STAG1: variants seen among roughly 807,000 people sequenced by gnomAD.
The protein encoded by STAG1 is STAG1 cohesin complex component.
Under a neutral mutation model 170.9 loss-of-function variants are expected in STAG1, and 26 were observed. The observed-to-expected ratio is 0.15, with a 90% CI of 0.11 to 0.21. The LOEUF is 0.21. Among genes scored for constraint, STAG1 ranks in the 10% least tolerant of loss-of-function variants. The pLI, the probability that STAG1 is intolerant of heterozygous loss-of-function variation, is 1.00. For missense variants in STAG1, 964 were observed against 1,509.5 expected, an observed-to-expected ratio of 0.64 and a Z score of 5.99; for synonymous variants, 514 against 497.7, an observed-to-expected ratio of 1.03 and a Z score of -0.44.
intron 15 of STAG1, among the ~76,000 whole-genome samples, chr3:136,437,323 AG>A (rs911090337): frequency 6.6e-6 from 1 of 152,234 alleles, no homozygotes; most frequent in African/African-American, 2.4e-5. Flanking sequence ...TAAACTCAAA[AG>A]CAGTTGAAAT....
At chr3:136,591,419 G>C (rs1938172392) in intron 4 of STAG1, 1 of 177,440 alleles carries the variant, frequency 5.6e-6, no homozygotes, top group African/African-American at 2.4e-5. Context: ...AATATTCCCT[G>C]GGCTTGGCGT....
At chr3:136,600,872 TTTGTTTTGTTTTG>T (rs1269638187) in intron 4 of STAG1, among the ~76,000 whole-genome samples, 149 of 1,234 alleles carry the variant, frequency 0.12, no homozygotes, top group African/African-American at 0.34. Context: ...GTTTGTTTGT[TTTGTTTTGTTTTG>T]TTTTGTTTTG....
At position 136,367,195 on chromosome 3, in the gene STAG1, C is replaced by T. The variant is rs867025637; in HGVS notation, c.2546-113G>A. ...TAATATTATAACTTCACAAATAGTA[C>T]AATTCAGTTTTAGATGGGACAAAAA... On this transcript the variant is annotated intron_variant, in intron 24 of 33. Transcript: ENST00000383202. 3.4e-6 allele frequency: 3 copies of T among 874,090 alleles called. 1 individual carries two copies. Among genetic ancestry groups the T allele is most frequent in the Non-Finnish European group, 5.2e-6 (3 of 575,790 alleles). The allele number at this position is 874,090 out of a possible 1,614,324, so 54.1% of individuals were successfully genotyped here. A position where few individuals can be genotyped will look rare whatever the true frequency, so the allele number is the denominator to read the frequency against.
chr3:136,534,414 T>C (rs1935523864), intron 6 of STAG1, among the ~76,000 whole-genome samples: 1 of 151,272 alleles, frequency 6.6e-6, no homozygotes, highest in Non-Finnish European at 1.5e-5. Flanking sequence ...GCAAACAAGA[T>C]ACATTAAACT....
chr3:136,464,061 TA>T (rs1331939944), intron 13 of STAG1, among the ~76,000 whole-genome samples: 4 of 151,438 alleles, frequency 2.6e-5, no homozygotes, highest in East Asian at 1.9e-4. Context: ...AAATAAGGTT[TA>T]AAAAAAATTA....
Position 136,521,420 on chromosome 3 carries a change from A to G in STAG1, c.472-3T>C. ...GTAAGAGGATAATCACCACTGTCCT[A>G]AAAAACAGAAAAAGAACATATTAAG... On this transcript the variant is annotated splice_polypyrimidine_tract_variant and splice_region_variant and intron_variant, in intron 6 of 33. Transcript: ENST00000383202. 6.2e-7 allele frequency: 1 copy of G among 1,612,078 alleles called. No individual in the cohort carries two copies.
intron 1 of STAG1, among the ~76,000 whole-genome samples, chr3:136,745,963 G>A (rs1223848483): frequency 6.6e-6 from 1 of 152,152 alleles, no homozygotes; most frequent in African/African-American, 2.4e-5. Context: ...TTTAGAAAAG[G>A]AGGAGAAAAA....
At chr3:136,419,197 C>G (rs1020340080) in intron 20 of STAG1, among the ~76,000 whole-genome samples, 1 of 151,728 alleles carries the variant, frequency 6.6e-6, no homozygotes, top group Non-Finnish European at 1.5e-5. Context: ...CTTCTGTTTT[C>G]AAATGACAGT....
chr3:136,465,706 T>C (rs1297443583), intron 12 of STAG1, among the ~76,000 whole-genome samples: 4 of 150,148 alleles, frequency 2.7e-5, no homozygotes, highest in African/African-American at 9.8e-5. Context: ...AGAGCTCAAA[T>C]AGGGTCCACA....
intron 1 of STAG1, among the ~76,000 whole-genome samples, chr3:136,728,966 A>G (rs1445975907): frequency 2.0e-5 from 3 of 152,158 alleles, no homozygotes; most frequent in African/African-American, 7.2e-5. Context: ...AAAGAGAGAC[A>G]GTCTCTTCTG....
intron 22 of STAG1, among the ~76,000 whole-genome samples, chr3:136,388,403 C>T (rs1258102929): frequency 2.0e-5 from 3 of 152,148 alleles, no homozygotes; most frequent in Non-Finnish European, 4.4e-5. Flanking sequence ...GAGTCTCGCT[C>T]TGTTGCCCAG....
At chr3:136,589,082 G>A (rs1938006360) in intron 4 of STAG1, among the ~76,000 whole-genome samples, 1 of 151,902 alleles carries the variant, frequency 6.6e-6, no homozygotes, top group Non-Finnish European at 1.5e-5. Flanking sequence ...ATAGACATGG[G>A]GTTTCACCAC....
At chr3:136,418,258 G>T (rs1457228715) in intron 20 of STAG1, among the ~76,000 whole-genome samples, 1 of 149,610 alleles carries the variant, frequency 6.7e-6, no homozygotes, top group African/African-American at 2.5e-5. Flanking sequence ...TACTCGGGAG[G>T]CTGAGGCAGG....
chr3:136,422,240 C>G (rs771616221), intron 19 of STAG1, among the ~76,000 whole-genome samples, 170 bp downstream of exon 19: 8 of 151,598 alleles, frequency 5.3e-5, no homozygotes, highest in Non-Finnish European at 8.8e-5. Context: ...TAAGGCATAA[C>G]CAAGGCTGAT....
At chr3:136,513,933 AG>A (rs1465158357) in intron 7 of STAG1, among the ~76,000 whole-genome samples, 10 of 152,188 alleles carry the variant, frequency 6.6e-5, no homozygotes, top group Non-Finnish European at 1.2e-4. Flanking sequence ...AAAAATTAAA[AG>A]AAAAAAAGTC....
At chr3:136,443,063 G>A (rs557571466) in intron 15 of STAG1, among the ~76,000 whole-genome samples, 6 of 152,208 alleles carry the variant, frequency 3.9e-5, no homozygotes, top group Admixed American at 6.5e-5. Flanking sequence ...TACATGACAC[G>A]CATGGATTTT....
chr3:136,402,822 C>T (rs2087368185), intron 21 of STAG1, among the ~76,000 whole-genome samples: 1 of 151,246 alleles, frequency 6.6e-6, no homozygotes, highest in Admixed American at 6.6e-5. Context: ...GAGACTCTGT[C>T]TAAAAAAGAA....
chr3:136,678,982 T>C (rs1195258672), intron 1 of STAG1, among the ~76,000 whole-genome samples: 1 of 85,514 alleles, frequency 1.2e-5, no homozygotes, highest in Non-Finnish European at 2.4e-5. Context: ...ACAAAGAATA[T>C]CAAAAATACT....
In STAG1 at chr3:136,464,868, A is replaced by G; in HGVS notation, c.1313+13T>C. 6.2e-7 allele frequency: 1 copy of G among 1,604,076 alleles called. No homozygotes were observed. The highest frequency in any genetic ancestry group is 2.2e-5 in the East Asian group (1 of 44,788). On this transcript the variant is annotated intron_variant, in intron 13 of 33. Coordinates refer to ENST00000383202, the MANE Select transcript of STAG1 (RefSeq NM_005862.3). ...AGAAAAGTAGAACCGGTTTTCAAAG[A>G]TAATTAGCTCACTTTTTGTGAAGGA...
Sources: gnomAD v4.1 joint callset for allele counts (sites outside exome capture counted in the v4.1 genomes callset) on GRCh38, gnomAD v4.1.1 for gene constraint, MANE v1.5 for transcripts, NCBI Gene and HGNC (gene_info 2026-07-23, HGNC 2026-07-21) for gene names.